SLC1A4: variants seen among roughly 807,000 people sequenced by gnomAD.
SLC1A4 encodes the protein solute carrier family 1 member 4.
SLC1A4 carries 19 observed loss-of-function variants against 37.7 expected under a neutral mutation model. The observed-to-expected ratio is 0.50, with a 90% confidence interval of 0.35 to 0.74. SLC1A4 has a LOEUF of 0.74. Ranked by LOEUF, SLC1A4 falls within the 30% of genes least tolerant of loss-of-function variation. The pLI is 0.01. For missense variants in SLC1A4, 570 were observed against 712.9 expected, an observed-to-expected ratio of 0.80 and a Z score of 2.28; for synonymous variants, 299 against 309.8, an observed-to-expected ratio of 0.97 and a Z score of 0.37.
intron 2 of SLC1A4, among the ~76,000 whole-genome samples, chr2:65,002,369 GT>G (rs572423045): frequency 1.3e-5 from 2 of 149,598 alleles, no homozygotes; most frequent in Non-Finnish European, 3.0e-5. Context: ...ATAGCCTGCT[GT>G]TTTTTTTTAA....
chr2:64,989,976 G>A lies in SLC1A4; in HGVS notation c.333G>A (p.Gly111=). ...GAASLDASCL[G]RLGGIAVAYF... ...CCTCGCTCGATGCCAGCTGCCTCGG[G>A]CGTCTGGGCGGCATCGCTGTCGCCT... is the stretch of plus-strand genomic sequence containing the variant. The change falls in exon 1 of 8, where the codon GGG becomes GGA. Residue 111 remains glycine (G), a synonymous_variant. Coordinates refer to ENST00000234256, the MANE Select transcript of SLC1A4 (RefSeq NM_003038.5). 1 of 1,583,544 alleles carries A rather than the reference G, an allele frequency of 6.3e-7. No homozygotes were observed. Among genetic ancestry groups the A allele is most frequent in the Non-Finnish European group, 8.6e-7 (1 of 1,164,722 alleles).
At position 65,018,464 on chromosome 2, in the gene SLC1A4, A is replaced by G. The variant is rs1008285516; in HGVS notation, c.1230-81A>G. ...GGGGCGGTTTTTAGTTTCCAGCCACATTGCAGCTGCATGGTCTGCATTTCT... is the reference window on the plus strand; with the variant it reads ...GGGGCGGTTTTTAGTTTCCAGCCACGTTGCAGCTGCATGGTCTGCATTTCT... On this transcript the variant is annotated intron_variant, in intron 6 of 7. Coordinates refer to ENST00000234256, the MANE Select transcript of SLC1A4 (RefSeq NM_003038.5). This position sits in a 1 kb window ranked among gnomAD's most constrained non-coding sequence, Gnocchi z 4.3. 1.3e-6 allele frequency: 2 copies of G among 1,567,772 alleles called. No individual in the cohort carries two copies. Among genetic ancestry groups the G allele is most frequent in the Admixed American group, 1.8e-5 (1 of 55,490 alleles).
chr2:65,017,996 G>C lies in SLC1A4; in HGVS notation c.1035-75G>C, dbSNP rs895341791. On this transcript the variant is annotated intron_variant, in intron 5 of 7. Transcript: ENST00000234256. The stretch of plus-strand genomic sequence containing the variant: ...AGATGGTGCTAATTGCTCTGTTCTG[G>C]GGTCTGAGACAAGACACATGTTAGC... 2.3e-5 allele frequency: 30 copies of C among 1,306,066 alleles called. 1 individual carries two copies. Among genetic ancestry groups the C allele is most frequent in the Non-Finnish European group, 3.0e-5 (28 of 918,494 alleles). 80.9% of individuals were successfully genotyped at this position (1,306,066 alleles called of 1,614,324 possible). A position where few individuals can be genotyped will look rare whatever the true frequency, so the allele number is the denominator to read the frequency against.
intron 1 of SLC1A4, among the ~76,000 whole-genome samples, chr2:64,994,006 G>C (rs1221278242): frequency 1.3e-5 from 2 of 152,204 alleles, no homozygotes; most frequent in Non-Finnish European, 2.9e-5. Context: ...GGAAGAAGAG[G>C]AATGTTTAGG....
chr2:65,005,581 C>T (rs921606987), intron 3 of SLC1A4, among the ~76,000 whole-genome samples: 7 of 152,250 alleles, frequency 4.6e-5, no homozygotes, highest in Admixed American at 2.0e-4. Flanking sequence ...CACTTTCCGA[C>T]GTTATTTCAT....
intron 7 of SLC1A4, among the ~76,000 whole-genome samples, chr2:65,019,612 GTGGGAATGGTGGTTTT>G (rs1674325512): frequency 6.6e-6 from 1 of 152,232 alleles, no homozygotes; most frequent in African/African-American, 2.4e-5. Context: ...CCTGCTGCAG[GTGGGAATGGTGGTTTT>G]TCCAACTTGA....
intron 4 of SLC1A4, among the ~76,000 whole-genome samples, chr2:65,015,416 GA>G (rs962565263): frequency 6.6e-6 from 1 of 151,756 alleles, no homozygotes; most frequent in Non-Finnish European, 1.5e-5. Context: ...GGGTGAAAAA[GA>G]AAAAAACACA....
In SLC1A4 at chr2:65,001,490, G is replaced by A. The variant is rs1422496213; in HGVS notation, c.570G>A (p.Thr190=). Residue 190 remains threonine, a splice_region_variant and synonymous_variant, in exon 2 of 8, where the codon ACG becomes ACA. Coordinates refer to ENST00000234256, the MANE Select transcript of SLC1A4 (RefSeq NM_003038.5). ...PSNLVVAAFR[T]YATDYKVVTQ... Reference sequence around the variant, plus strand: ...ATCTTGTGGTTGCAGCTTTCCGTACGGTAAGGCTTGATACTTTGCTAAAAA... The same window carrying A: ...ATCTTGTGGTTGCAGCTTTCCGTACAGTAAGGCTTGATACTTTGCTAAAAA... 16 of 1,613,060 alleles carry A rather than the reference G, an allele frequency of 9.9e-6. No homozygotes were observed. Among genetic ancestry groups the A allele is most frequent in the Non-Finnish European group, 1.1e-5 (13 of 1,179,090 alleles).
At chr2:64,998,941 T>A (rs1673366658) in intron 1 of SLC1A4, among the ~76,000 whole-genome samples, 1 of 152,168 alleles carries the variant, frequency 6.6e-6, no homozygotes, top group Admixed American at 6.5e-5. Flanking sequence ...AAGAGAAACT[T>A]AGAGCAGCTC....
upstream of SLC1A4, among the ~76,000 whole-genome samples, chr2:64,988,878 GC>G (rs1380691265): frequency 0.019 from 1 of 54 alleles, no homozygotes; most frequent in Non-Finnish European, 0.062. Flanking sequence ...CGCGGGCCGC[GC>G]GGGGCGAAAG....
rs772625079 is a variant in SLC1A4, at chr2:65,022,381, C to A, written c.*1235C>A. 2.0e-5 allele frequency: 3 copies of A among 152,180 alleles called. No homozygotes were observed. Among genetic ancestry groups the A allele is most frequent in the Admixed American group, 6.5e-5 (1 of 15,280 alleles). 9.4% of individuals were successfully genotyped at this position (152,180 alleles called of 1,614,324 possible). A position where few individuals can be genotyped will look rare whatever the true frequency, so the allele number is the denominator to read the frequency against. On this transcript the variant is annotated 3_prime_UTR_variant, in exon 8 of 8. Coordinates refer to ENST00000234256, the MANE Select transcript of SLC1A4 (RefSeq NM_003038.5). ...CTGTTTGTGGCTGTTGATGCATATTCGTGATGTAACAGGTCCTGGGGCCTC... is the reference window on the plus strand; with the variant it reads ...CTGTTTGTGGCTGTTGATGCATATTAGTGATGTAACAGGTCCTGGGGCCTC...
chr2:65,010,708 C>CT lies in SLC1A4; in HGVS notation c.745_746insT (p.Arg249LeufsTer109). 6.2e-7 allele frequency: 1 copy of CT among 1,614,120 alleles called. No individual in the cohort carries two copies. The highest frequency in any genetic ancestry group is 1.1e-5 in the South Asian group (1 of 91,060). On this transcript the variant is annotated frameshift_variant, in exon 4 of 8. Coordinates refer to ENST00000234256, the MANE Select transcript of SLC1A4 (RefSeq NM_003038.5). LOFTEE classifies it high-confidence loss of function. ...AGGCTCCGAAGGAGAAGACCTCATC[C>CT]GTTTCTTCAATTCCCTCAACGAGGC...
chr2:65,016,991 C>T lies in SLC1A4; in HGVS notation c.1034+318C>T, dbSNP rs796417963. Among the ~76,000 whole-genome samples the T allele has an allele frequency of 9.2e-5, 14 of 152,288 alleles. No individual in the cohort carries two copies. The East Asian group carries it at 2.7e-3, about 29-fold the overall frequency. Reference sequence around the variant, plus strand: ...ACCAGCCCCAAAGCTTTTCTGTATTCCCCTGGGGTGGGTTTCTGTTTCATT... The same window carrying T: ...ACCAGCCCCAAAGCTTTTCTGTATTTCCCTGGGGTGGGTTTCTGTTTCATT... On this transcript the variant is annotated intron_variant, in intron 5 of 7. Transcript: ENST00000234256.
At chr2:65,020,778 G>A in intron 7 of SLC1A4, 134 bp from the exon 8 acceptor site, 1 of 689,104 alleles carries the variant, frequency 1.5e-6, no homozygotes. Context: ...TAAAGCCAAT[G>A]CCTTAGAAGC....
At chr2:64,995,857 C>T (rs182554904) in intron 1 of SLC1A4, among the ~76,000 whole-genome samples, 2 of 152,260 alleles carry the variant, frequency 1.3e-5, no homozygotes, top group East Asian at 1.9e-4. Context: ...ATGCATACCA[C>T]CCTTGACAAT....
Position 65,018,444 on chromosome 2 carries a change from G to T in SLC1A4, c.1230-101G>T. 1 of 1,517,376 alleles carries T rather than the reference G, an allele frequency of 6.6e-7. No individual in the cohort carries two copies. The allele number at this position is 1,517,376 out of a possible 1,614,324, so 94.0% of individuals were successfully genotyped here. A position where few individuals can be genotyped will look rare whatever the true frequency, so the allele number is the denominator to read the frequency against. On this transcript the variant is annotated intron_variant, in intron 6 of 7. Coordinates refer to ENST00000234256, the MANE Select transcript of SLC1A4 (RefSeq NM_003038.5). This position sits in a 1 kb window ranked among gnomAD's most constrained non-coding sequence, Gnocchi z 4.3. ...TAGCCAGCAGAGCCTATGGTGGGGC[G>T]GTTTTTAGTTTCCAGCCACATTGCA...
In SLC1A4 at chr2:65,018,478, G is replaced by C; in HGVS notation, c.1230-67G>C. 2 of 1,587,960 alleles carry C rather than the reference G, an allele frequency of 1.3e-6. No homozygotes were observed. Among genetic ancestry groups the C allele is most frequent in the African/African-American group, 2.7e-5 (2 of 74,504 alleles). On this transcript the variant is annotated intron_variant, in intron 6 of 7. Transcript: ENST00000234256. The surrounding 1 kb of genome is among the most constrained non-coding windows in gnomAD (Gnocchi z 4.3). ...TTTCCAGCCACATTGCAGCTGCATGGTCTGCATTTCTCTGTGTCCACTCCA... is the reference window on the plus strand; with the variant it reads ...TTTCCAGCCACATTGCAGCTGCATGCTCTGCATTTCTCTGTGTCCACTCCA...
chr2:65,003,919 C>T (rs747903294), intron 2 of SLC1A4, 34 bp from the exon 3 acceptor site: 2 of 1,591,042 alleles, frequency 1.3e-6, no homozygotes, highest in Non-Finnish European at 8.6e-7. Flanking sequence ...CACCTGTGCA[C>T]TAACAGTGGG....
At chr2:65,007,424 G>C (rs1308883608) in intron 3 of SLC1A4, among the ~76,000 whole-genome samples, 1 of 152,094 alleles carries the variant, frequency 6.6e-6, no homozygotes, top group South Asian at 2.1e-4. Flanking sequence ...CAGGGAGACT[G>C]GCCAGGATGC....
Sources: gnomAD v4.1 joint callset for allele counts (sites outside exome capture counted in the v4.1 genomes callset) on GRCh38, gnomAD v4.1.1 for gene constraint, Gnocchi (gnomAD v3.1) non-coding constraint, MANE v1.5 for transcripts, NCBI Gene and HGNC (gene_info 2026-07-23, HGNC 2026-07-21) for gene names.